Variants in PALLD observed in about 807,000 individuals in gnomAD.
PALLD encodes the protein palladin, cytoskeletal associated protein.
In PALLD, 61 loss-of-function variants were observed where a neutral mutation model predicts 123.5. The observed-to-expected ratio is 0.49, with a 90% CI of 0.40 to 0.61. The LOEUF (loss-of-function observed/expected upper bound fraction) is 0.61. Ranked by LOEUF, PALLD falls within the 20% of genes least tolerant of loss-of-function variation. The probability of loss-of-function intolerance (pLI) is 0.00; values close to 1 mark genes in which losing one functional copy is unlikely to be tolerated. For missense variants in PALLD, 1,273 were observed against 1,377.0 expected (o/e 0.92, Z 1.20); for synonymous variants, 465 against 496.4 (o/e 0.94, Z 0.84).
intron 2 of PALLD, among the ~76,000 whole-genome samples, chr4:168,632,472 C>T (rs1169205864): frequency 6.6e-6 from 1 of 152,178 alleles, no homozygotes; most frequent in Admixed American, 6.5e-5. Context: ...ACACCTGTTG[C>T]TTTTCAGTTG....
intron 10 of PALLD, among the ~76,000 whole-genome samples, chr4:168,735,945 T>G (rs1500800): frequency 0.45 from 68,241 of 151,948 alleles, 15,909 homozygotes; most frequent in South Asian, 0.59. Context: ...AGCTGGGCAC[T>G]TGACTAACAT....
At chr4:168,842,473 T>C (rs962882314) in intron 10 of PALLD, among the ~76,000 whole-genome samples, 1 of 152,240 alleles carries the variant, frequency 6.6e-6, no homozygotes, top group Non-Finnish European at 1.5e-5. Context: ...TGTAGAAATG[T>C]GTCTGGGACT....
intron 2 of PALLD, among the ~76,000 whole-genome samples, chr4:168,518,190 C>A (rs145536823): frequency 0.016 from 2,419 of 152,208 alleles, 26 homozygotes; most frequent in Middle Eastern, 0.037. Context: ...ATCCAGCTGG[C>A]ACCACCTTTA....
chr4:168,916,441 GA>G (rs973254801), intron 17 of PALLD, among the ~76,000 whole-genome samples: 25 of 151,702 alleles, frequency 1.6e-4, no homozygotes, highest in African/African-American at 5.6e-4. Context: ...TTAAGGGGGG[GA>G]AAAAGTGAAA....
chr4:168,746,380 C>CAAAAAAAAAAAAAAA lies in PALLD; in HGVS notation c.1964+34473_1964+34487dup, dbSNP rs747755592. Among the ~76,000 whole-genome samples the CAAAAAAAAAAAAAAA allele has an allele frequency of 1.4e-3, 50 of 37,016 alleles. 4 individuals carry two copies. Among genetic ancestry groups the CAAAAAAAAAAAAAAA allele is most frequent in the African/African-American group, 2.9e-3 (37 of 12,928 alleles). The allele number at this position is 37,016 out of a possible 152,430, so 24.3% of individuals were successfully genotyped here. A position where few individuals can be genotyped will look rare whatever the true frequency, so the allele number is the denominator to read the frequency against. On this transcript the variant is annotated intron_variant, in intron 10 of 21. Transcript: ENST00000505667. ...TGGGCGACAGAGCGAGAACCCGTCT[C>CAAAAAAAAAAAAAAA]AAAAAAAAAAAAAAAAAAAAAAAAA...
At chr4:168,795,917 C>T (rs1738433143) in intron 10 of PALLD, among the ~76,000 whole-genome samples, 1 of 151,636 alleles carries the variant, frequency 6.6e-6, no homozygotes, top group Non-Finnish European at 1.5e-5. Context: ...TTTGTGGGTA[C>T]ATAGTAGGTG....
chr4:168,677,313 C>G (rs140575836), intron 3 of PALLD, among the ~76,000 whole-genome samples: 5 of 152,030 alleles, frequency 3.3e-5, no homozygotes. Flanking sequence ...GATCTGCCCC[C>G]GTCTCCAAGA....
intron 10 of PALLD, among the ~76,000 whole-genome samples, chr4:168,858,388 G>A (rs1368617578): frequency 6.6e-6 from 1 of 152,194 alleles, no homozygotes; most frequent in Non-Finnish European, 1.5e-5. Flanking sequence ...TATTTCGAGT[G>A]TGAAGAAAGT....
chr4:168,779,043 C>T (rs1010788349), intron 10 of PALLD, among the ~76,000 whole-genome samples: 6 of 152,164 alleles, frequency 3.9e-5, no homozygotes, highest in African/African-American at 1.4e-4. Flanking sequence ...CTTATGAAAT[C>T]GTGACATGAT....
intron 15 of PALLD, among the ~76,000 whole-genome samples, chr4:168,905,211 C>T (rs1757439889): frequency 8.4e-6 from 1 of 118,686 alleles, no homozygotes; most frequent in South Asian, 3.0e-4. Flanking sequence ...AATGCAGTGG[C>T]GCGATCTCGG....
At chr4:168,564,080 G>A (rs1312457259) in intron 2 of PALLD, among the ~76,000 whole-genome samples, 1 of 152,150 alleles carries the variant, frequency 6.6e-6, no homozygotes, top group African/African-American at 2.4e-5. Flanking sequence ...GCTTCATTAG[G>A]ATGAGAAGAT....
At chr4:168,684,853 A>G (rs981744586) in intron 5 of PALLD, among the ~76,000 whole-genome samples, 2 of 152,252 alleles carry the variant, frequency 1.3e-5, no homozygotes, top group Non-Finnish European at 2.9e-5. Flanking sequence ...AACCACTTAC[A>G]TAAGTGAATA....
chr4:168,740,943 T>G (rs1788267316), intron 10 of PALLD, among the ~76,000 whole-genome samples: 1 of 152,246 alleles, frequency 6.6e-6, no homozygotes, highest in African/African-American at 2.4e-5. Flanking sequence ...TTTGCTATGC[T>G]GTTTAATTAA....
intron 10 of PALLD, among the ~76,000 whole-genome samples, chr4:168,729,081 A>G (rs1786890380): frequency 6.6e-6 from 1 of 152,190 alleles, no homozygotes. Flanking sequence ...TTCCAACTAA[A>G]ATGGGAAGTG....
At position 168,606,468 on chromosome 4, in the gene PALLD, ATCG is replaced by A. The variant is rs111410287; in HGVS notation, c.909-61721_909-61719del. Among the ~76,000 whole-genome samples the A allele has an allele frequency of 7.5e-3, 1,143 of 152,036 alleles. 20 individuals are homozygous for A. The highest frequency in any genetic ancestry group is 0.026 in the African/African-American group (1,072 of 41,470). On this transcript the variant is annotated intron_variant, in intron 2 of 21. Transcript: ENST00000505667. The stretch of plus-strand genomic sequence containing the variant: ...GGAGGGTGGATCACGAGGTCAGGAG[ATCG>A]AGACCATCCTGGCTAACACGGTGAA...
intron 10 of PALLD, among the ~76,000 whole-genome samples, chr4:168,761,641 G>GTTTTTTTTTTTTTTTTTTTTTTTTT (rs1230404942): frequency 4.3e-4 from 5 of 11,640 alleles, no homozygotes; most frequent in Admixed American, 1.4e-3. Flanking sequence ...TGTTGTTGTT[G>GTTTTTTTTTTTTTTTTTTTTTTTTT]TTTGTTTTTT....
intron 14 of PALLD, among the ~76,000 whole-genome samples, chr4:168,902,635 C>T (rs555552138): frequency 6.6e-6 from 1 of 152,018 alleles, no homozygotes; most frequent in Non-Finnish European, 1.5e-5. Context: ...GGCAACGGAG[C>T]GAGACCCTGT....
At chr4:168,608,879 T>G (rs1311115784) in intron 2 of PALLD, among the ~76,000 whole-genome samples, 1 of 151,664 alleles carries the variant, frequency 6.6e-6, no homozygotes, top group African/African-American at 2.4e-5. Context: ...CTTACCAAGT[T>G]TTGTCTCACT....
intron 2 of PALLD, among the ~76,000 whole-genome samples, chr4:168,595,294 T>C (rs1295097222): frequency 6.6e-6 from 1 of 152,174 alleles, no homozygotes; most frequent in Non-Finnish European, 1.5e-5. Context: ...CCAATGCAGC[T>C]ATATTTTGGC....
Sources: gnomAD v4.1 joint callset for allele counts (sites outside exome capture counted in the v4.1 genomes callset) on GRCh38, gnomAD v4.1.1 for gene constraint, MANE v1.5 for transcripts, NCBI Gene and HGNC (gene_info 2026-07-23, HGNC 2026-07-21) for gene names.